Variants in COMMD1 observed in about 807,000 individuals in gnomAD.
COMMD1 encodes COMM domain-containing protein 1.
A neutral mutation model predicts 17.2 loss-of-function variants in COMMD1; 10 were observed. The observed-to-expected ratio is 0.58, with a 90% confidence interval of 0.36 to 0.99. The LOEUF (loss-of-function observed/expected upper bound fraction) is 0.99, where lower values mean the gene tolerates loss of function less well. Ranked by LOEUF, COMMD1 falls within the 50% of genes least tolerant of loss-of-function variation. The pLI is 0.01. For synonymous variants in COMMD1, 97 were observed against 91.6 expected (o/e 1.06, Z -0.34); for missense variants, 270 against 231.8 (o/e 1.17, Z -1.07).
intron 1 of COMMD1, among the ~76,000 whole-genome samples, chr2:61,935,983 AT>A (rs1255655867): frequency 6.6e-6 from 1 of 151,822 alleles, no homozygotes; most frequent in South Asian, 2.1e-4. Context: ...TACCTGGCTA[AT>A]TTTTTGTATT....
chr2:61,905,319 G>C (rs1669742729), upstream of COMMD1, among the ~76,000 whole-genome samples: 1 of 152,206 alleles, frequency 6.6e-6, no homozygotes, highest in South Asian at 2.1e-4. Context: ...TAATGGGTTG[G>C]CAAGTCCTGG....
intron 1 of COMMD1, among the ~76,000 whole-genome samples, chr2:61,972,320 G>A (rs910372237): frequency 3.3e-5 from 5 of 152,074 alleles, no homozygotes; most frequent in South Asian, 2.1e-4. Context: ...GTGGAGGTGG[G>A]AAACAAGACT....
upstream of COMMD1, among the ~76,000 whole-genome samples, chr2:61,904,955 G>A (rs1169043512): frequency 6.6e-6 from 1 of 152,168 alleles, no homozygotes; most frequent in East Asian, 1.9e-4. Context: ...TTTATATCTG[G>A]CTTCTTTTAC....
chr2:62,070,915 C>T (rs1280560032), intron 2 of COMMD1, among the ~76,000 whole-genome samples: 1 of 152,124 alleles, frequency 6.6e-6, no homozygotes, highest in East Asian at 1.9e-4. Flanking sequence ...CCTGTAGTCC[C>T]ACCTGCTTGG....
chr2:62,022,356 T>G (rs1475363009), intron 2 of COMMD1, among the ~76,000 whole-genome samples: 1 of 151,678 alleles, frequency 6.6e-6, no homozygotes, highest in Non-Finnish European at 1.5e-5. Context: ...TTTTTTTTTT[T>G]CTTTTGAATT....
chr2:61,913,392 A>G (rs1426413188), intron 1 of COMMD1, among the ~76,000 whole-genome samples: 1 of 149,670 alleles, frequency 6.7e-6, no homozygotes, highest in Non-Finnish European at 1.5e-5. Flanking sequence ...AAAAAGAGAA[A>G]AGTGGCCGGG....
chr2:61,908,946 C>T (rs533665033), intron 1 of COMMD1, among the ~76,000 whole-genome samples: 236 of 151,970 alleles, frequency 1.6e-3, no homozygotes, highest in African/African-American at 4.6e-3. Flanking sequence ...TTTTTTGAGA[C>T]GGAGTATCGC....
intron 1 of COMMD1, among the ~76,000 whole-genome samples, chr2:61,957,222 A>G (rs557856718): frequency 5.9e-4 from 90 of 152,060 alleles, no homozygotes; most frequent in Non-Finnish European, 6.0e-4. Flanking sequence ...CCTTCTGAGT[A>G]GCAGGGATTA....
At chr2:62,129,352 A>G (rs553396806) in intron 2 of COMMD1, among the ~76,000 whole-genome samples, 4 of 152,362 alleles carry the variant, frequency 2.6e-5, no homozygotes, top group Middle Eastern at 3.4e-3. Flanking sequence ...ATGGAATAAG[A>G]CAGAGAAGGG....
intron 2 of COMMD1, among the ~76,000 whole-genome samples, chr2:62,006,051 T>C (rs961650923): frequency 3.0e-4 from 45 of 151,850 alleles, no homozygotes; most frequent in African/African-American, 1.0e-3. Context: ...TGTAGGGACA[T>C]GGATGAAATT....
chr2:61,939,548 T>TA (rs1670687407), intron 1 of COMMD1, among the ~76,000 whole-genome samples: 1 of 152,034 alleles, frequency 6.6e-6, no homozygotes, highest in African/African-American at 2.4e-5. Context: ...TACCTAAAAA[T>TA]ATGCTATTTT....
At chr2:62,062,033 T>C (rs1162713917) in intron 2 of COMMD1, among the ~76,000 whole-genome samples, 4 of 151,008 alleles carry the variant, frequency 2.6e-5, no homozygotes, top group South Asian at 4.2e-4. Flanking sequence ...ATTAAATAGC[T>C]GGCTCTAGTG....
At chr2:61,930,958 C>T (rs1670451446) in intron 1 of COMMD1, among the ~76,000 whole-genome samples, 1 of 152,040 alleles carries the variant, frequency 6.6e-6, no homozygotes, top group Admixed American at 6.6e-5. Flanking sequence ...TGCTCGAACT[C>T]ATGGCTTATT....
intron 1 of COMMD1, among the ~76,000 whole-genome samples, chr2:61,964,011 TC>T (rs1250797623): frequency 6.6e-6 from 1 of 152,208 alleles, no homozygotes; most frequent in African/African-American, 2.4e-5. Context: ...AACCTCTTCT[TC>T]GGTTTCCAAC....
chr2:62,006,649 C>T (rs1037395145), intron 2 of COMMD1, among the ~76,000 whole-genome samples: 1 of 152,154 alleles, frequency 6.6e-6, no homozygotes, highest in Admixed American at 6.6e-5. Flanking sequence ...AGATGAACAT[C>T]AAGTGCTTTG....
intron 1 of COMMD1, among the ~76,000 whole-genome samples, chr2:61,996,315 TGTGTG>T (rs1316707570): frequency 6.6e-4 from 3 of 4,564 alleles, no homozygotes; most frequent in Non-Finnish European, 1.5e-3. Flanking sequence ...GTTTTCTAAA[TGTGTG>T]TGTGTGTGTG....
chr2:62,004,618 A>C (rs1669062705), intron 2 of COMMD1, among the ~76,000 whole-genome samples: 1 of 152,152 alleles, frequency 6.6e-6, no homozygotes, highest in South Asian at 2.1e-4. Flanking sequence ...ATCCTTTTTA[A>C]TACAAATATA....
intron 2 of COMMD1, among the ~76,000 whole-genome samples, chr2:62,100,781 C>T (rs1672157191): frequency 6.6e-6 from 1 of 152,096 alleles, no homozygotes; most frequent in Non-Finnish European, 1.5e-5. Flanking sequence ...TTAAAAGGTA[C>T]TAGACTTTAG....
chr2:62,133,880 C>T (rs1673112214), intron 2 of COMMD1, among the ~76,000 whole-genome samples: 1 of 152,148 alleles, frequency 6.6e-6, no homozygotes, highest in South Asian at 2.1e-4. Context: ...CTCACTCCAC[C>T]TCTTGGGTTC....
Sources: gnomAD v4.1 joint callset for allele counts (sites outside exome capture counted in the v4.1 genomes callset) on GRCh38, gnomAD v4.1.1 for gene constraint, MANE v1.5 for transcripts, NCBI Gene and HGNC (gene_info 2026-07-23, HGNC 2026-07-21) for gene names.